Variants in SLC6A15 observed in about 807,000 individuals in gnomAD.
The protein encoded by SLC6A15 is sodium-dependent neutral amino acid transporter B(0)AT2.
SLC6A15 carries 33 observed loss-of-function variants against 68.5 expected under a neutral mutation model. That is an observed-to-expected ratio of 0.48 (90% CI 0.37 to 0.64). The LOEUF (loss-of-function observed/expected upper bound fraction) is 0.64, where lower values mean the gene tolerates loss of function less well. Among genes scored for constraint, SLC6A15 ranks in the 30% least tolerant of loss-of-function variants. The pLI is 0.00. For synonymous variants in SLC6A15, 347 were observed against 301.0 expected, an observed-to-expected ratio of 1.15 and a Z score of -1.58; for missense variants, 747 against 874.3, an observed-to-expected ratio of 0.85 and a Z score of 1.84.
chr12:84,865,606 C>T (rs531431813), intron 10 of SLC6A15, among the ~76,000 whole-genome samples: 1 of 152,342 alleles, frequency 6.6e-6, no homozygotes, highest in Admixed American at 6.5e-5. Flanking sequence ...ATTCTGTGCT[C>T]AGCGTATACA....
chr12:84,891,396 A>AT (rs984252746), intron 2 of SLC6A15, among the ~76,000 whole-genome samples: 5 of 152,170 alleles, frequency 3.3e-5, no homozygotes, highest in African/African-American at 1.2e-4. Flanking sequence ...ATCATTTTGT[A>AT]TTTTTTGAAG....
chr12:84,873,047 A>C (rs1457025592), intron 7 of SLC6A15, 40 bp downstream of exon 7: 3 of 1,593,566 alleles, frequency 1.9e-6, no homozygotes, highest in Non-Finnish European at 2.6e-6. Context: ...TAACAAGATA[A>C]AAACTAAGAA....
At chr12:84,906,206 C>G (rs1873144550) in intron 1 of SLC6A15, among the ~76,000 whole-genome samples, 1 of 152,120 alleles carries the variant, frequency 6.6e-6, no homozygotes, top group Non-Finnish European at 1.5e-5. Context: ...AATCATTAAA[C>G]TGACATAATT....
intron 9 of SLC6A15, among the ~76,000 whole-genome samples, chr12:84,869,911 G>A (rs528808043): frequency 6.6e-6 from 1 of 151,942 alleles, no homozygotes; most frequent in South Asian, 2.1e-4. Flanking sequence ...CCCTTAAATG[G>A]GAGTATGATG....
chr12:84,885,420 T>C lies in SLC6A15; in HGVS notation c.574+15A>G, dbSNP rs749889973. 6.2e-7 allele frequency: 1 copy of C among 1,606,070 alleles called. No individual in the cohort carries two copies. Among genetic ancestry groups the C allele is most frequent in the South Asian group, 1.1e-5 (1 of 89,754 alleles). ...AATGCTTAAATACCAAAACACTGTA[T>C]TATACATATCTTACAAGTGTGTGAA... On this transcript the variant is annotated intron_variant, in intron 4 of 11. Coordinates refer to ENST00000266682, the MANE Select transcript of SLC6A15 (RefSeq NM_182767.6).
At chr12:84,901,448 T>C (rs2120719154) in intron 1 of SLC6A15, among the ~76,000 whole-genome samples, 1 of 151,938 alleles carries the variant, frequency 6.6e-6, no homozygotes, top group East Asian at 1.9e-4. Flanking sequence ...TCATCATATC[T>C]TATCTTTATT....
chr12:84,912,306 A>G (rs897628174), intron 1 of SLC6A15, among the ~76,000 whole-genome samples: 14 of 152,062 alleles, frequency 9.2e-5, no homozygotes, highest in Admixed American at 9.2e-4. Context: ...CCCTGATTGT[A>G]CAGAGATGCA....
In SLC6A15 at chr12:84,903,087, C is replaced by T. The variant is rs577519968; in HGVS notation, c.-189+9436G>A. The stretch of plus-strand genomic sequence containing the variant: ...GGAAGTCGAGTAAATGGTGCATACA[C>T]CTCCATGTGCACCCTTCTGTGAAAT... On this transcript the variant is annotated intron_variant, in intron 1 of 11. Transcript: ENST00000266682. 9.2e-5 allele frequency among the ~76,000 whole-genome samples: 14 copies of T among 152,206 alleles called. 1 individual carries two copies. The highest frequency in any genetic ancestry group is 3.4e-4 in the African/African-American group (14 of 41,550).
chr12:84,877,654 T>G (rs544436743), intron 5 of SLC6A15, among the ~76,000 whole-genome samples: 2 of 152,238 alleles, frequency 1.3e-5, no homozygotes, highest in South Asian at 4.1e-4. Flanking sequence ...CTCCTTACTA[T>G]TTTAGTCTCA....
chr12:84,867,364 C>G (rs1281838982), intron 9 of SLC6A15, 171 bp from the exon 10 acceptor site: 3 of 413,550 alleles, frequency 7.3e-6, no homozygotes. Flanking sequence ...AATTAGGTTA[C>G]CTGGGTGTAG....
intron 1 of SLC6A15, among the ~76,000 whole-genome samples, chr12:84,905,377 A>G (rs975999332): frequency 2.0e-5 from 3 of 152,218 alleles, no homozygotes; most frequent in Non-Finnish European, 4.4e-5. Context: ...AAAAATGTCA[A>G]AAATTAGGAA....
In SLC6A15 at chr12:84,891,867, C is replaced by T. The variant is rs1163162995; in HGVS notation, c.254G>A (p.Trp85Ter). 1 of 1,613,590 alleles carries T rather than the reference C, an allele frequency of 6.2e-7. No homozygotes were observed. The highest frequency in any genetic ancestry group is 8.5e-7 in the Non-Finnish European group (1 of 1,179,808). Residue 85 changes from tryptophan (W) to a stop codon, truncating the protein, a stop_gained, in exon 2 of 12, where the codon TGG becomes TAG. Coordinates refer to ENST00000266682, the MANE Select transcript of SLC6A15 (RefSeq NM_182767.6). LOFTEE classifies it high-confidence loss of function. ...CTTCTGACATAGGTATGGAAATCGCCACACATTTCCTAAACCTACAGAAAA... is the reference window on the plus strand; with the variant it reads ...CTTCTGACATAGGTATGGAAATCGCTACACATTTCCTAAACCTACAGAAAA... ...VGFSVGLGNV[W>*]RFPYLCQKNG...
chr12:84,895,750 T>A (rs1872611700), intron 1 of SLC6A15, among the ~76,000 whole-genome samples: 1 of 152,176 alleles, frequency 6.6e-6, no homozygotes, highest in Non-Finnish European at 1.5e-5. Context: ...ATTTAGTTTC[T>A]GAAGAGATTT....
intron 5 of SLC6A15, chr12:84,883,444 C>T (rs1871923798): frequency 1.8e-6 from 2 of 1,127,384 alleles, no homozygotes; most frequent in Non-Finnish European, 1.1e-6. Context: ...CTTAGAACAC[C>T]TACAGCAGAG....
intron 1 of SLC6A15, among the ~76,000 whole-genome samples, chr12:84,908,724 T>A (rs1243394985): frequency 6.6e-6 from 1 of 151,638 alleles, no homozygotes; most frequent in Non-Finnish European, 1.5e-5. Flanking sequence ...TTCAAGCATA[T>A]ATATATGTGT....
chr12:84,882,211 CTACCAAATGA>C (rs888549566), intron 5 of SLC6A15: 5 of 985,148 alleles, frequency 5.1e-6, no homozygotes, highest in Non-Finnish European at 1.2e-6. Context: ...GGTTTTCTTT[CTACCAAATGA>C]TATTATGTTA....
In SLC6A15 at chr12:84,867,176, C is replaced by A; in HGVS notation, c.1513G>T (p.Ala505Ser). Reference protein sequence around the residue: ...EILTVICCLLAFCIGLIFVQR... With the variant: ...EILTVICCLLSFCIGLIFVQR... ...ACAAATATCAGGCCAATACAAAATG[C>A]CAGAAGACAACAGATAACTAGACAA... The change falls in exon 10 of 12, where the codon GCA (alanine) becomes TCA (serine). Residue 505 changes from alanine (A) to serine (S), a missense_variant. Transcript: ENST00000266682. 2.5e-6 allele frequency: 4 copies of A among 1,596,762 alleles called. No individual in the cohort carries two copies. The highest frequency in any genetic ancestry group is 1.1e-5 in the South Asian group (1 of 87,436).
rs1193117010 is a variant in SLC6A15, at chr12:84,870,466, C to A, written c.1495+12G>T. ...GATTTGTTCAATGAAAAGTCAAATA[C>A]AAAAAACTCACCAGTAAGAATTTCT... On this transcript the variant is annotated intron_variant, in intron 9 of 11. Transcript: ENST00000266682. 2.6e-6 allele frequency: 4 copies of A among 1,515,000 alleles called. No individual in the cohort carries two copies. The highest frequency in any genetic ancestry group is 2.8e-5 in the African/African-American group (2 of 71,054). 93.8% of individuals were successfully genotyped at this position (1,515,000 alleles called of 1,614,324 possible).
intron 9 of SLC6A15, among the ~76,000 whole-genome samples, chr12:84,869,776 T>C (rs1871211644): frequency 6.6e-6 from 1 of 152,190 alleles, no homozygotes. Flanking sequence ...CATTATGCTA[T>C]CAGTATTTTA....
Sources: gnomAD v4.1 joint callset for allele counts (sites outside exome capture counted in the v4.1 genomes callset) on GRCh38, gnomAD v4.1.1 for gene constraint, MANE v1.5 for transcripts, NCBI Gene and HGNC (gene_info 2026-07-23, HGNC 2026-07-21) for gene names.